The following PAK1 variants were observed in gnomAD, a reference collection of about 807,000 sequenced individuals.
PAK1 encodes the protein serine/threonine-protein kinase PAK 1.
In PAK1, 29 loss-of-function variants were observed where a neutral mutation model predicts 67.4. The observed-to-expected ratio is 0.43, with a 90% CI of 0.32 to 0.59. The LOEUF (loss-of-function observed/expected upper bound fraction) is 0.59. Among genes scored for constraint, PAK1 ranks in the 20% least tolerant of loss-of-function variants. PAK1 has a pLI of 0.07. For synonymous variants in PAK1, 223 were observed against 237.4 expected (o/e 0.94, Z 0.56); for missense variants, 337 against 670.7 (o/e 0.50, Z 5.50).
intron 1 of PAK1, among the ~76,000 whole-genome samples, chr11:77,440,301 G>A (rs1956298722): frequency 6.6e-6 from 1 of 152,126 alleles, no homozygotes; most frequent in African/African-American, 2.4e-5. Flanking sequence ...TGAGGAGGCG[G>A]AAGCAGGAGA....
chr11:77,361,233 C>G (rs1946738409), intron 5 of PAK1, among the ~76,000 whole-genome samples: 1 of 152,136 alleles, frequency 6.6e-6, no homozygotes, highest in African/African-American at 2.4e-5. Flanking sequence ...CACAGGCAAG[C>G]CTCTCTAATA....
rs1191283853 is a variant in PAK1 at position 77,473,772 on chromosome 11, G to A, written c.-242C>T. On this transcript the variant is annotated 5_prime_UTR_variant, in exon 1 of 15. Coordinates refer to ENST00000356341, the MANE Select transcript of PAK1 (RefSeq NM_002576.5). ...GAGGGAGCGAGGCGACGCGGGCGGG[G>A]GGGGAAGGGGGGACTGAGGGGCGAG... 1.3e-5 allele frequency: 2 copies of A among 151,922 alleles called. No homozygotes were observed. Among genetic ancestry groups the A allele is most frequent in the East Asian group, 2.0e-4 (1 of 5,118 alleles). 9.4% of individuals were successfully genotyped at this position (151,922 alleles called of 1,614,324 possible).
intron 5 of PAK1, among the ~76,000 whole-genome samples, chr11:77,371,599 G>A (rs773412644): frequency 1.3e-5 from 2 of 152,114 alleles, no homozygotes; most frequent in Admixed American, 6.5e-5. Context: ...AATTTCTTAG[G>A]CAGCAATTAT....
chr11:77,405,607 A>G (rs115855322), intron 1 of PAK1, among the ~76,000 whole-genome samples: 1,843 of 151,780 alleles, frequency 0.012, 39 homozygotes, highest in African/African-American at 0.042. Flanking sequence ...GACTGATCTG[A>G]GAAATACTGG....
chr11:77,440,206 TTTAA>T (rs2138427317), intron 1 of PAK1, among the ~76,000 whole-genome samples: 1 of 152,284 alleles, frequency 6.6e-6, no homozygotes, highest in Non-Finnish European at 1.5e-5. Flanking sequence ...TTTTTTAGAA[TTTAA>T]TTAGCATCTA....
At chr11:77,476,247 T>A (rs1047268848), upstream of PAK1, 18 of 152,250 alleles carry the variant, frequency 1.2e-4, no homozygotes, top group Admixed American at 1.2e-3. Context: ...TTACAAACAC[T>A]GTCTTTAAAC....
chr11:77,342,802 A>G (rs1348025584), intron 10 of PAK1, among the ~76,000 whole-genome samples: 1 of 152,172 alleles, frequency 6.6e-6, no homozygotes, highest in Non-Finnish European at 1.5e-5. Flanking sequence ...ATGCAATATA[A>G]GAGGTAAAGA....
At chr11:77,479,587 G>A (rs921978370), upstream of PAK1, among the ~76,000 whole-genome samples, 1 of 149,568 alleles carries the variant, frequency 6.7e-6, no homozygotes, top group South Asian at 2.1e-4. Flanking sequence ...TGAAGAAAAG[G>A]CCAAGAAAAA....
chr11:77,518,910 C>A, the PAK1 span, among the ~76,000 whole-genome samples: 5 of 152,140 alleles, frequency 3.3e-5, no homozygotes, highest in African/African-American at 1.2e-4. Flanking sequence ...AAATGCCCAT[C>A]ACTTAGATTC....
intron 1 of PAK1, among the ~76,000 whole-genome samples, chr11:77,453,842 A>G (rs1025346114): frequency 4.6e-5 from 7 of 152,266 alleles, no homozygotes; most frequent in Admixed American, 2.0e-4. Flanking sequence ...GCACTTTGGG[A>G]GGCTGAGGCA....
chr11:77,358,822 G>T, intron 6 of PAK1, 76 bp downstream of exon 6: 1 of 1,439,838 alleles, frequency 6.9e-7, no homozygotes, highest in Non-Finnish European at 9.7e-7. Flanking sequence ...TAAACTTCTA[G>T]GTATCAGCAC....
chr11:77,450,571 C>G (rs1956810810), intron 1 of PAK1, among the ~76,000 whole-genome samples: 1 of 152,104 alleles, frequency 6.6e-6, no homozygotes, highest in Non-Finnish European at 1.5e-5. Flanking sequence ...GAATTAGGAG[C>G]CATTAGGGAT....
At position 77,445,288 on chromosome 11, in the gene PAK1, G is replaced by A. The variant is rs567818658; in HGVS notation, c.-22+28264C>T. Among the ~76,000 whole-genome samples the A allele has an allele frequency of 2.6e-5, 4 of 152,260 alleles. No individual in the cohort carries two copies. In the East Asian group the frequency reaches 7.7e-4, roughly 29 times the overall value. On this transcript the variant is annotated intron_variant, in intron 1 of 14. Coordinates refer to ENST00000356341, the MANE Select transcript of PAK1 (RefSeq NM_002576.5). ...GCAAAAACCTTGATTTCAACCTTCT[G>A]GCCTCTAGAACTGAGAGACCACAAA... is the stretch of plus-strand genomic sequence containing the variant.
At chr11:77,346,709 G>A (rs773377376) in intron 9 of PAK1, among the ~76,000 whole-genome samples, 1 of 152,166 alleles carries the variant, frequency 6.6e-6, no homozygotes, top group East Asian at 1.9e-4. Context: ...CTCTGTGCTA[G>A]ATGACGTACT....
At chr11:77,528,535 A>C in the PAK1 span, among the ~76,000 whole-genome samples, 1 of 152,050 alleles carries the variant, frequency 6.6e-6, no homozygotes, top group Non-Finnish European at 1.5e-5. Context: ...GGTAGAGATG[A>C]AGCCTTGCTA....
At chr11:77,486,886 A>G in the PAK1 span, among the ~76,000 whole-genome samples, 1 of 152,220 alleles carries the variant, frequency 6.6e-6, no homozygotes. Flanking sequence ...CAGGACTGCA[A>G]TTCCTCGGCA....
chr11:77,392,803 G>T lies in PAK1; in HGVS notation c.-21-262C>A, dbSNP rs531909550. 8.5e-5 allele frequency among the ~76,000 whole-genome samples: 13 copies of T among 152,292 alleles called. No individual in the cohort carries two copies. The East Asian group carries it at 2.1e-3, about 25-fold the overall frequency. On this transcript the variant is annotated intron_variant, in intron 1 of 14. Coordinates refer to ENST00000356341, the MANE Select transcript of PAK1 (RefSeq NM_002576.5). ...ATTGCAAAGCACGGAAAACCATTAT[G>T]ATGTAGTTGAAAGCAGAAATTTGGC...
intron 14 of PAK1, among the ~76,000 whole-genome samples, chr11:77,330,730 G>C (rs1198863131): frequency 3.9e-5 from 6 of 152,112 alleles, no homozygotes; most frequent in Non-Finnish European, 8.8e-5. Flanking sequence ...CATGGGCAAG[G>C]ACTTCATGTC....
chr11:77,363,772 C>CA (rs1420638390), intron 5 of PAK1, among the ~76,000 whole-genome samples: 6 of 152,168 alleles, frequency 3.9e-5, no homozygotes, highest in Admixed American at 3.9e-4. Flanking sequence ...ACAAAATTGA[C>CA]AAAAACCATT....
Sources: gnomAD v4.1 joint callset for allele counts (sites outside exome capture counted in the v4.1 genomes callset) on GRCh38, gnomAD v4.1.1 for gene constraint, MANE v1.5 for transcripts, NCBI Gene and HGNC (gene_info 2026-07-23, HGNC 2026-07-21) for gene names.